The following RAPGEF6 variants were observed in gnomAD, a reference collection of about 807,000 sequenced individuals.
The protein encoded by RAPGEF6 is Rap guanine nucleotide exchange factor 6.
A neutral mutation model predicts 171.4 loss-of-function variants in RAPGEF6; 56 were observed. The observed-to-expected ratio is 0.33, with a 90% CI of 0.26 to 0.41. The LOEUF (loss-of-function observed/expected upper bound fraction) is 0.41, where lower values mean the gene tolerates loss of function less well. Among genes scored for constraint, RAPGEF6 ranks in the 10% least tolerant of loss-of-function variants. RAPGEF6 has a pLI of 1.00. For missense variants in RAPGEF6, 1,674 were observed against 1,921.4 expected, an observed-to-expected ratio of 0.87 and a Z score of 2.41; for synonymous variants, 692 against 650.1, an observed-to-expected ratio of 1.06 and a Z score of -0.98.
intron 5 of RAPGEF6, among the ~76,000 whole-genome samples, chr5:131,554,737 G>A (rs1284359009): frequency 6.6e-6 from 1 of 152,004 alleles, no homozygotes; most frequent in East Asian, 1.9e-4. Flanking sequence ...GGCTGGTCTC[G>A]CACTCCTGAT....
Position 131,461,627 on chromosome 5 carries a change from T to C in RAPGEF6, c.2864+78A>G, listed in dbSNP as rs1312620854. 11 of 1,345,192 alleles carry C rather than the reference T, an allele frequency of 8.2e-6. No individual in the cohort carries two copies. The South Asian group carries it at 1.1e-4, about 13-fold the overall frequency. 83.3% of individuals were successfully genotyped at this position (1,345,192 alleles called of 1,614,324 possible). ...AATTGAACATTTCTTTTCATAGGCATTGAATACCTAAGTAGAAAATCAGCT... is the reference window on the plus strand; with the variant it reads ...AATTGAACATTTCTTTTCATAGGCACTGAATACCTAAGTAGAAAATCAGCT... On this transcript the variant is annotated intron_variant, in intron 19 of 27. Coordinates refer to ENST00000509018, the MANE Select transcript of RAPGEF6 (RefSeq NM_016340.6).
In RAPGEF6 at chr5:131,431,031, C is replaced by T. The variant is rs754735610; in HGVS notation, c.4293G>A (p.Lys1431=). The change falls in exon 26 of 28, where the codon AAG becomes AAA. Residue 1431 remains lysine (K), a synonymous_variant. Transcript: ENST00000509018. ...CGQCKGSLER[K]SWTSSSSLSD... ...ACAGAGAACTGGAGGAGGTCCAACT[C>T]TTTCTCTCTAGGCTTCCTTTACACT... The T allele has an allele frequency of 6.2e-7, 1 of 1,614,204 alleles. No homozygotes were observed. Among genetic ancestry groups the T allele is most frequent in the Non-Finnish European group, 8.5e-7 (1 of 1,180,028 alleles).
intron 25 of RAPGEF6, 139 bp from the exon 26 acceptor site, chr5:131,431,488 A>G (rs1486381543): frequency 2.2e-5 from 19 of 877,852 alleles, no homozygotes; most frequent in Non-Finnish European, 3.1e-5. Context: ...GAGGAAAACA[A>G]TATTATCATC....
chr5:131,565,974 C>T (rs955011997), intron 4 of RAPGEF6, among the ~76,000 whole-genome samples: 1 of 151,968 alleles, frequency 6.6e-6, no homozygotes, highest in Admixed American at 6.5e-5. Flanking sequence ...GGCAAAACCT[C>T]GTCTCTACAA....
intron 6 of RAPGEF6, among the ~76,000 whole-genome samples, chr5:131,536,471 G>A (rs1227039674): frequency 1.3e-5 from 2 of 152,082 alleles, no homozygotes; most frequent in Non-Finnish European, 2.9e-5. Context: ...TTATTCTCTT[G>A]TAAGAAACAG....
At chr5:131,629,227 C>T (rs899081765) in intron 1 of RAPGEF6, among the ~76,000 whole-genome samples, 3 of 152,130 alleles carry the variant, frequency 2.0e-5, no homozygotes, top group Admixed American at 6.5e-5. Context: ...CGCCTGTAAT[C>T]CCAACACTTT....
intron 7 of RAPGEF6, among the ~76,000 whole-genome samples, chr5:131,515,313 T>C (rs1758000739): frequency 6.6e-6 from 1 of 152,204 alleles, no homozygotes; most frequent in African/African-American, 2.4e-5. Context: ...TCTATGAAGT[T>C]AATCTTTCAG....
At chr5:131,528,053 T>C (rs867783250) in intron 6 of RAPGEF6, among the ~76,000 whole-genome samples, 1 of 122,488 alleles carries the variant, frequency 8.2e-6, no homozygotes, top group African/African-American at 3.2e-5. Context: ...TAATTATATA[T>C]AATATAATAT....
intron 4 of RAPGEF6, among the ~76,000 whole-genome samples, chr5:131,587,875 T>C (rs1484328982): frequency 6.6e-6 from 1 of 152,126 alleles, no homozygotes; most frequent in Non-Finnish European, 1.5e-5. Flanking sequence ...GAATGCTACA[T>C]AGGCCAAGAA....
At chr5:131,551,783 T>C (rs1446048228) in intron 5 of RAPGEF6, among the ~76,000 whole-genome samples, 1 of 152,154 alleles carries the variant, frequency 6.6e-6, no homozygotes, top group African/African-American at 2.4e-5. Flanking sequence ...TTCAAAATCT[T>C]GGGAAAAGTA....
intron 11 of RAPGEF6, among the ~76,000 whole-genome samples, chr5:131,503,017 G>A (rs1169942101): frequency 6.6e-6 from 1 of 152,096 alleles, no homozygotes; most frequent in African/African-American, 2.4e-5. Context: ...TGGCCAGGCT[G>A]GTCTCGAACT....
At chr5:131,486,473 G>A (rs1423540577) in intron 15 of RAPGEF6, among the ~76,000 whole-genome samples, 1 of 152,152 alleles carries the variant, frequency 6.6e-6, no homozygotes, top group Admixed American at 6.5e-5. Flanking sequence ...TGAAATACGA[G>A]AGTCACATCC....
intron 6 of RAPGEF6, 56 bp from the exon 7 acceptor site, chr5:131,521,577 G>A (rs1019283322): frequency 1.6e-5 from 24 of 1,512,826 alleles, no homozygotes; most frequent in Middle Eastern, 1.8e-4. Context: ...CTTTTTAAGC[G>A]GTTTCGACAT....
chr5:131,569,769 G>A (rs534210395), intron 4 of RAPGEF6, among the ~76,000 whole-genome samples: 4 of 152,082 alleles, frequency 2.6e-5, no homozygotes, highest in African/African-American at 4.8e-5. Context: ...GGCTGGGCAC[G>A]GTGGCACACG....
chr5:131,504,422 A>T (rs1413677590), intron 11 of RAPGEF6, among the ~76,000 whole-genome samples: 1 of 152,012 alleles, frequency 6.6e-6, no homozygotes, highest in Non-Finnish European at 1.5e-5. Context: ...AGATTGTGCT[A>T]TTGCACTCCA....
In RAPGEF6 at chr5:131,433,561, A is replaced by T; in HGVS notation, c.3843T>A (p.Val1281=). 17 of 1,613,464 alleles carry T rather than the reference A, an allele frequency of 1.1e-5. No individual in the cohort carries two copies. The highest frequency in any genetic ancestry group is 1.4e-5 in the Non-Finnish European group (17 of 1,179,354). ...CCTGTAGAGCTGCAGACATGGAGTC[A>T]ACAGAACAATTGCTCACGATGCTGG... The part of the protein sequence containing the change: ...SRSSIVSNCS[V]DSMSAALQDE... The change falls in exon 25 of 28, where the codon GTT becomes GTA. Residue 1281 remains valine, a synonymous_variant. Transcript: ENST00000509018.
chr5:131,429,007 C>G lies in RAPGEF6; in HGVS notation c.4675G>C (p.Val1559Leu), dbSNP rs756707362. 4 of 1,614,022 alleles carry G rather than the reference C, an allele frequency of 2.5e-6. No homozygotes were observed. The African/African-American group carries it at 5.3e-5, about 22-fold the overall frequency. Reference sequence around the variant, plus strand: ...ACAATCTTCGATGGAACACAGGCCACGAGGTTGCTACTGAGAGAAGCTGGT... The same window carrying G: ...ACAATCTTCGATGGAACACAGGCCAGGAGGTTGCTACTGAGAGAAGCTGGT... Reference protein sequence around the residue: ...LPPASLSSNLVACVPSKIVTQ... With the variant: ...LPPASLSSNLLACVPSKIVTQ... Residue 1559 changes from valine to leucine, a missense_variant, in exon 27 of 28, where the codon GTG becomes CTG. By Grantham distance (32) the Val-to-Leu change is conservative (BLOSUM62 1). This residue lies in a region of RAPGEF6 where 552 missense variants were observed against 574.2 expected (regional missense o/e 0.96). Coordinates refer to ENST00000509018, the MANE Select transcript of RAPGEF6 (RefSeq NM_016340.6).
At chr5:131,481,984 T>C (rs1459991620) in intron 15 of RAPGEF6, among the ~76,000 whole-genome samples, 1 of 152,102 alleles carries the variant, frequency 6.6e-6, no homozygotes, top group Non-Finnish European at 1.5e-5. Context: ...TCCCACAAAA[T>C]CAAAGAACTT....
chr5:131,499,032 G>A (rs529013121), intron 11 of RAPGEF6, among the ~76,000 whole-genome samples: 1 of 152,204 alleles, frequency 6.6e-6, no homozygotes, highest in South Asian at 2.1e-4. Context: ...AGGGAAGAAA[G>A]AAAAAAGAAA....
Sources: gnomAD v4.1 joint callset for allele counts (sites outside exome capture counted in the v4.1 genomes callset) on GRCh38, gnomAD v4.1.1 for gene constraint, gnomAD v4.1.1 regional missense constraint, MANE v1.5 for transcripts, NCBI Gene and HGNC (gene_info 2026-07-23, HGNC 2026-07-21) for gene names.